The following NCALD variants were observed in gnomAD, a reference collection of about 807,000 sequenced individuals.
NCALD encodes the protein neurocalcin delta, also known as neurocalcin-delta.
In NCALD, 10 loss-of-function variants were observed where a neutral mutation model predicts 18.6. The observed-to-expected ratio is 0.54, with a 90% CI of 0.33 to 0.91. NCALD has a LOEUF of 0.91. Among genes scored for constraint, NCALD ranks in the 40% least tolerant of loss-of-function variants. The pLI is 0.03. For missense variants in NCALD, 184 were observed against 247.6 expected, an observed-to-expected ratio of 0.74 and a Z score of 1.72; for synonymous variants, 88 against 87.4, an observed-to-expected ratio of 1.01 and a Z score of -0.04.
chr8:101,810,789 G>T (rs1372507471), intron 4 of NCALD, among the ~76,000 whole-genome samples: 3 of 151,914 alleles, frequency 2.0e-5, no homozygotes, highest in Non-Finnish European at 2.9e-5. Context: ...TAATGCAAAA[G>T]CTTTTCTATC....
At chr8:102,124,835 AC>A (rs1826060125), upstream of NCALD, 1 of 152,060 alleles carries the variant, frequency 6.6e-6, no homozygotes, top group Admixed American at 6.6e-5. Flanking sequence ...TGCTTTCTCT[AC>A]CCAAAGCCTT....
At chr8:102,074,748 T>A (rs113705679) in intron 1 of NCALD, among the ~76,000 whole-genome samples, 1 of 152,188 alleles carries the variant, frequency 6.6e-6, no homozygotes, top group Non-Finnish European at 1.5e-5. Context: ...CAGGTTTACA[T>A]CTACTTTCTT....
intron 1 of NCALD, among the ~76,000 whole-genome samples, chr8:101,729,316 T>C (rs570143206): frequency 7.2e-5 from 11 of 152,302 alleles, no homozygotes; most frequent in African/African-American, 2.4e-4. Flanking sequence ...TAAAGAGTTA[T>C]ATAATAATCT....
At chr8:101,917,850 CA>C (rs994411525) in intron 2 of NCALD, among the ~76,000 whole-genome samples, 2 of 151,818 alleles carry the variant, frequency 1.3e-5, no homozygotes, top group Admixed American at 6.6e-5. Context: ...CCCTACCTAT[CA>C]AAAAAACCTC....
intron 3 of NCALD, among the ~76,000 whole-genome samples, chr8:101,898,194 C>A (rs1817280742): frequency 1.3e-5 from 2 of 152,160 alleles, no homozygotes; most frequent in South Asian, 2.1e-4. Context: ...TGAGAACAGA[C>A]TAATACAGGC....
At chr8:102,034,901 G>T (rs2132152805) in intron 1 of NCALD, among the ~76,000 whole-genome samples, 1 of 152,260 alleles carries the variant, frequency 6.6e-6, no homozygotes. Context: ...TATTCACATT[G>T]TTGTGTAACA....
intron 4 of NCALD, among the ~76,000 whole-genome samples, chr8:101,825,846 T>C (rs1813914731): frequency 6.6e-6 from 1 of 152,132 alleles, no homozygotes; most frequent in Non-Finnish European, 1.5e-5. Context: ...AGACAATATA[T>C]AAGTAAATAA....
chr8:101,747,208 T>C lies in NCALD; in HGVS notation c.-19-27560A>G, dbSNP rs535940288. Among the ~76,000 whole-genome samples, 3 of 152,204 alleles carry C rather than the reference T, an allele frequency of 2.0e-5. No homozygotes were observed. In the East Asian group the frequency reaches 5.8e-4, roughly 29 times the overall value. On this transcript the variant is annotated intron_variant, in intron 1 of 3. Transcript: ENST00000220931. ...TCTGGCGTCTTCTCCTCCTTCCCAC[T>C]GTGACACAGGCAAAATCTGGTTGGT...
At chr8:102,056,255 C>G (rs1823645230) in intron 1 of NCALD, among the ~76,000 whole-genome samples, 3 of 152,084 alleles carry the variant, frequency 2.0e-5, no homozygotes, top group African/African-American at 7.2e-5. Flanking sequence ...TTTGTTTTTG[C>G]TTGTTTATGT....
intron 4 of NCALD, among the ~76,000 whole-genome samples, chr8:101,819,961 T>C (rs1813654418): frequency 6.6e-6 from 1 of 152,230 alleles, no homozygotes; most frequent in Non-Finnish European, 1.5e-5. Context: ...AAAGCCACTC[T>C]TCCTTTCAGT....
chr8:101,967,599 A>T (rs1017825087), intron 2 of NCALD, among the ~76,000 whole-genome samples: 1 of 152,158 alleles, frequency 6.6e-6, no homozygotes, highest in African/African-American at 2.4e-5. Context: ...TTTTGCTGCT[A>T]AAAGCAGAAC....
chr8:101,859,899 A>G (rs575619157), intron 4 of NCALD, among the ~76,000 whole-genome samples: 3 of 152,316 alleles, frequency 2.0e-5, no homozygotes, highest in South Asian at 4.1e-4. Context: ...GCCTGGCACA[A>G]TAAATTTTTT....
chr8:102,098,853 G>A (rs951652155), intron 1 of NCALD, among the ~76,000 whole-genome samples: 30 of 152,292 alleles, frequency 2.0e-4, no homozygotes, highest in African/African-American at 7.2e-4. Context: ...CTCATCCCCT[G>A]CCACAGTGAT....
intron 4 of NCALD, among the ~76,000 whole-genome samples, chr8:101,877,963 G>T (rs1483908977): frequency 2.6e-5 from 4 of 152,182 alleles, no homozygotes; most frequent in African/African-American, 7.2e-5. Flanking sequence ...TTCAGAGGAA[G>T]CCACTGATCT....
intron 1 of NCALD, among the ~76,000 whole-genome samples, chr8:101,783,407 C>T (rs1015650898): frequency 2.0e-5 from 3 of 152,124 alleles, no homozygotes; most frequent in East Asian, 1.9e-4. Flanking sequence ...GCCATTTTGG[C>T]AATTTTGTTA....
At chr8:102,108,393 G>A (rs1374360835) in intron 1 of NCALD, among the ~76,000 whole-genome samples, 1 of 152,202 alleles carries the variant, frequency 6.6e-6, no homozygotes, top group Non-Finnish European at 1.5e-5. Flanking sequence ...AGAGGACACT[G>A]ACACTGAAGA....
intron 1 of NCALD, among the ~76,000 whole-genome samples, chr8:102,115,241 G>A (rs79832419): frequency 0.061 from 9,300 of 152,270 alleles, 423 homozygotes; most frequent in Non-Finnish European, 0.093. Flanking sequence ...AGGATCCAAA[G>A]TTAATATTAA....
intron 1 of NCALD, among the ~76,000 whole-genome samples, chr8:102,062,116 G>A (rs1048739064): frequency 2.6e-5 from 4 of 152,110 alleles, no homozygotes; most frequent in Non-Finnish European, 5.9e-5. Context: ...CAAAAATGTC[G>A]AAGTTGGCTG....
chr8:101,892,472 G>A (rs927684088), intron 3 of NCALD, among the ~76,000 whole-genome samples: 6 of 149,218 alleles, frequency 4.0e-5, no homozygotes, highest in African/African-American at 1.0e-4. Flanking sequence ...TCCTCCAAAG[G>A]AACGCAGTTC....
Sources: gnomAD v4.1 joint callset for allele counts (sites outside exome capture counted in the v4.1 genomes callset) on GRCh38, gnomAD v4.1.1 for gene constraint, MANE v1.5 for transcripts, NCBI Gene and HGNC (gene_info 2026-07-23, HGNC 2026-07-21) for gene names.